Variants in OSBP2 observed in about 807,000 individuals in gnomAD.
OSBP2 encodes oxysterol binding protein 2.
A neutral mutation model predicts 96.0 loss-of-function variants in OSBP2; 66 were observed. The ratio of observed to expected loss-of-function variants is 0.69; its 90% confidence interval spans 0.56 to 0.84. The LOEUF (loss-of-function observed/expected upper bound fraction) is 0.84. Ranked by LOEUF, OSBP2 falls within the 40% of genes least tolerant of loss-of-function variation. OSBP2 has a pLI of 0.00. For synonymous variants in OSBP2, 525 were observed against 520.9 expected, an observed-to-expected ratio of 1.01 and a Z score of -0.11; for missense variants, 1,038 against 1,222.7, an observed-to-expected ratio of 0.85 and a Z score of 2.25.
At chr22:30,800,538 C>T (rs2090835448) in intron 2 of OSBP2, among the ~76,000 whole-genome samples, 2 of 152,176 alleles carry the variant, frequency 1.3e-5, no homozygotes, top group African/African-American at 4.8e-5. Flanking sequence ...ATTGGTGATA[C>T]AGGTGGCATT....
At chr22:30,899,185 A>C (rs1166559278) in intron 12 of OSBP2, among the ~76,000 whole-genome samples, 2 of 152,044 alleles carry the variant, frequency 1.3e-5, no homozygotes, top group Non-Finnish European at 2.9e-5. Context: ...GTTCAAGACC[A>C]ACCTGGGCAA....
chr22:30,862,450 C>T (rs2039231645), intron 2 of OSBP2, among the ~76,000 whole-genome samples: 1 of 152,220 alleles, frequency 6.6e-6, no homozygotes, highest in South Asian at 2.1e-4. Context: ...GAGGGTGAGG[C>T]AGGCAGATCG....
chr22:30,711,265 AT>A (rs1244854788), intron 1 of OSBP2, among the ~76,000 whole-genome samples: 2 of 151,734 alleles, frequency 1.3e-5, no homozygotes, highest in African/African-American at 4.8e-5. Flanking sequence ...AAATATCTAT[AT>A]TTTGTTTTAT....
chr22:30,695,936 A>T (rs978654729), intron 1 of OSBP2, among the ~76,000 whole-genome samples: 1 of 151,842 alleles, frequency 6.6e-6, no homozygotes, highest in Non-Finnish European at 1.5e-5. Context: ...TGTGTTTGGG[A>T]TTGAGGGAGA....
At chr22:30,830,578 G>A (rs1185446823) in intron 2 of OSBP2, among the ~76,000 whole-genome samples, 43 of 152,224 alleles carry the variant, frequency 2.8e-4, no homozygotes, top group Non-Finnish European at 5.3e-4. Context: ...GTGACTCTTA[G>A]TTCATTAACC....
At chr22:30,732,535 A>G (rs2089795824) in intron 1 of OSBP2, among the ~76,000 whole-genome samples, 1 of 152,076 alleles carries the variant, frequency 6.6e-6, no homozygotes, top group South Asian at 2.1e-4. Flanking sequence ...TAGGTGGCCA[A>G]GTGGTTGTGG....
At chr22:30,706,753 C>A (rs536684771) in intron 1 of OSBP2, among the ~76,000 whole-genome samples, 66 of 152,270 alleles carry the variant, frequency 4.3e-4, no homozygotes, top group African/African-American at 1.5e-3. Flanking sequence ...TTGCAAGCCA[C>A]ATGTGTTTCA....
At chr22:30,754,370 G>T (rs2090115533) in intron 2 of OSBP2, among the ~76,000 whole-genome samples, 2 of 152,192 alleles carry the variant, frequency 1.3e-5, no homozygotes, top group Admixed American at 1.3e-4. Flanking sequence ...CCCTCAGCAG[G>T]CTTTGATTGG....
chr22:30,848,544 A>T (rs973241338), intron 2 of OSBP2, among the ~76,000 whole-genome samples: 2 of 152,200 alleles, frequency 1.3e-5, no homozygotes, highest in Non-Finnish European at 2.9e-5. Flanking sequence ...AAGATATAGA[A>T]CATTTTAATC....
At chr22:30,799,533 G>C (rs1378373391) in intron 2 of OSBP2, among the ~76,000 whole-genome samples, 1 of 152,252 alleles carries the variant, frequency 6.6e-6, no homozygotes, top group East Asian at 1.9e-4. Flanking sequence ...GAGGCCCAAA[G>C]ACAAAGGGCA....
In OSBP2 at chr22:30,871,074, G is replaced by C. The variant is rs890900576; in HGVS notation, c.1107+392G>C. On this transcript the variant is annotated intron_variant, in intron 3 of 13. Coordinates refer to ENST00000332585, the MANE Select transcript of OSBP2 (RefSeq NM_030758.4). The surrounding 1 kb of genome is among the most constrained non-coding windows in gnomAD (Gnocchi z 4.7). ...GGTGGCTGCTACTCCTCCTCCCTGG[G>C]TTCACTCCCCAGATGCAGTGGGAGC... is the stretch of plus-strand genomic sequence containing the variant. Among the ~76,000 whole-genome samples the C allele has an allele frequency of 7.2e-5, 11 of 152,106 alleles. No individual in the cohort carries two copies. Among genetic ancestry groups the C allele is most frequent in the African/African-American group, 2.7e-4 (11 of 41,414 alleles).
chr22:30,697,379 A>T (rs2089062202), intron 1 of OSBP2, among the ~76,000 whole-genome samples: 1 of 152,084 alleles, frequency 6.6e-6, no homozygotes, highest in African/African-American at 2.4e-5. Flanking sequence ...CCCAGGTTCA[A>T]GCAGTTCTCC....
chr22:30,760,166 C>CT (rs78673894), intron 2 of OSBP2, among the ~76,000 whole-genome samples: 10,253 of 138,030 alleles, frequency 0.074, 364 homozygotes, highest in Middle Eastern at 0.12. Flanking sequence ...CTGCACCCGG[C>CT]TTTTTTTTTT....
At chr22:30,767,138 CAAAAAAAAA>C (rs1156950666) in intron 2 of OSBP2, among the ~76,000 whole-genome samples, 6 of 78,494 alleles carry the variant, frequency 7.6e-5, no homozygotes, top group East Asian at 3.6e-4. Context: ...ACTAAAAATA[CAAAAAAAAA>C]AAAAAAAAAA....
Position 30,881,489 on chromosome 22 carries a change from C to G in OSBP2, c.1108-5937C>G, listed in dbSNP as rs2039701846. Among the ~76,000 whole-genome samples the G allele has an allele frequency of 6.6e-6, 1 of 152,192 alleles. No individual in the cohort carries two copies. ...TCAGGTCAGCCCGTCTCTCCTCCTG[C>G]TCACAGCTGAGCACGAGTCTCCTGG... On this transcript the variant is annotated intron_variant, in intron 3 of 13. Coordinates refer to ENST00000332585, the MANE Select transcript of OSBP2 (RefSeq NM_030758.4). This position sits in a 1 kb window ranked among gnomAD's most constrained non-coding sequence, Gnocchi z 4.5.
intron 12 of OSBP2, chr22:30,894,363 C>CT (rs2040019314): frequency 4.5e-6 from 1 of 224,494 alleles, no homozygotes; most frequent in Admixed American, 5.2e-5. Flanking sequence ...AAAAAAATGA[C>CT]TGACATTGAG....
chr22:30,801,966 G>C (rs2090856688), intron 2 of OSBP2, among the ~76,000 whole-genome samples: 2 of 150,680 alleles, frequency 1.3e-5, no homozygotes, highest in Non-Finnish European at 2.9e-5. Context: ...AACAGAGCAA[G>C]ACCCTGTCTG....
At chr22:30,714,213 A>T (rs1204594399) in intron 1 of OSBP2, among the ~76,000 whole-genome samples, 6 of 152,196 alleles carry the variant, frequency 3.9e-5, no homozygotes, top group Non-Finnish European at 8.8e-5. Context: ...CTCTGGGCTC[A>T]TGCATGTTGT....
At chr22:30,847,928 T>C (rs1475754579) in intron 2 of OSBP2, among the ~76,000 whole-genome samples, 2 of 152,168 alleles carry the variant, frequency 1.3e-5, no homozygotes, top group Non-Finnish European at 2.9e-5. Flanking sequence ...AATTGGATTT[T>C]TGTTTTATTA....
Sources: gnomAD v4.1 joint callset for allele counts (sites outside exome capture counted in the v4.1 genomes callset) on GRCh38, gnomAD v4.1.1 for gene constraint, Gnocchi (gnomAD v3.1) non-coding constraint, MANE v1.5 for transcripts, NCBI Gene and HGNC (gene_info 2026-07-23, HGNC 2026-07-21) for gene names.